The following ABLIM2 variants were observed in gnomAD, a reference collection of about 807,000 sequenced individuals.
The protein encoded by ABLIM2 is actin binding LIM protein family member 2, also known as actin-binding LIM protein 2.
In ABLIM2, 53 loss-of-function variants were observed where a neutral mutation model predicts 97.7. The ratio of observed to expected loss-of-function variants is 0.54; its 90% CI spans 0.44 to 0.68. ABLIM2 has a LOEUF of 0.68. Among genes scored for constraint, ABLIM2 ranks in the 30% least tolerant of loss-of-function variants. ABLIM2 has a pLI of 0.00. For missense variants in ABLIM2, 835 were observed against 867.2 expected, an observed-to-expected ratio of 0.96 and a Z score of 0.47; for synonymous variants, 361 against 345.8, an observed-to-expected ratio of 1.04 and a Z score of -0.49.
At position 7,983,572 on chromosome 4, in the gene ABLIM2, C is replaced by T. The variant is rs779460847; in HGVS notation, c.1736-18G>A. 3.1e-6 allele frequency: 5 copies of T among 1,611,766 alleles called. No individual in the cohort carries two copies. The highest frequency in any genetic ancestry group is 2.2e-5 in the East Asian group (1 of 44,840). ...CTTGTATTCTGTAAGAGAGAGAGAG[C>T]GGAGACCACGAAATGGTTTAGAAAG... On this transcript the variant is annotated intron_variant, in intron 18 of 20. Transcript: ENST00000447017.
chr4:8,135,728 G>A (rs1311184699), intron 1 of ABLIM2, among the ~76,000 whole-genome samples: 5 of 152,246 alleles, frequency 3.3e-5, no homozygotes, highest in Admixed American at 2.6e-4. Flanking sequence ...CTCTCAAGGA[G>A]CGCAGATGAC....
intron 8 of ABLIM2, among the ~76,000 whole-genome samples, chr4:8,045,889 C>T (rs916983382): frequency 1.3e-5 from 2 of 152,116 alleles, no homozygotes; most frequent in Non-Finnish European, 2.9e-5. Context: ...GCCCAGGTTC[C>T]TGGGAACACG....
In ABLIM2 at chr4:8,080,667, C is replaced by T. The variant is rs369456047; in HGVS notation, c.581+9G>A. On this transcript the variant is annotated intron_variant, in intron 5 of 20. Transcript: ENST00000447017. ...CGGAGGCTCTCACTAGAGCCCTCCC[C>T]CCACTTACTTGCTGATGTACTCGGC... The T allele has an allele frequency of 2.5e-6, 4 of 1,596,366 alleles. No homozygotes were observed. Among genetic ancestry groups the T allele is most frequent in the Non-Finnish European group, 3.4e-6 (4 of 1,168,586 alleles).
chr4:8,060,758 G>A (rs923081977), intron 7 of ABLIM2, among the ~76,000 whole-genome samples: 1 of 152,104 alleles, frequency 6.6e-6, no homozygotes, highest in Non-Finnish European at 1.5e-5. Context: ...TCTCGGGCTC[G>A]CTGAGATCAT....
intron 20 of ABLIM2, among the ~76,000 whole-genome samples, chr4:7,979,124 T>C (rs2149562988): frequency 6.6e-6 from 1 of 152,376 alleles, no homozygotes; most frequent in Admixed American, 6.5e-5. Flanking sequence ...TGATGACCCA[T>C]GCACATCCTA....
At chr4:8,064,906 G>A (rs191021854) in intron 6 of ABLIM2, among the ~76,000 whole-genome samples, 8 of 152,282 alleles carry the variant, frequency 5.3e-5, no homozygotes, top group Non-Finnish European at 1.0e-4. Flanking sequence ...TGCCAACAAA[G>A]CAAAGACCTA....
rs899579736 is a variant in ABLIM2, at chr4:8,015,417, C to A, written c.1423+4201G>T. On this transcript the variant is annotated intron_variant, in intron 14 of 20. Coordinates refer to ENST00000447017, the MANE Select transcript of ABLIM2 (RefSeq NM_001130083.2). This position sits in a 1 kb window ranked among gnomAD's most constrained non-coding sequence, Gnocchi z 4.6. ...CTCAGTGGGGGCTTCCCAGTGCAATCCGCACTCTGGACACAGCCTGCCGTT... is the reference window on the plus strand; with the variant it reads ...CTCAGTGGGGGCTTCCCAGTGCAATACGCACTCTGGACACAGCCTGCCGTT... 6.6e-6 allele frequency among the ~76,000 whole-genome samples: 1 copy of A among 152,214 alleles called. No homozygotes were observed. Among genetic ancestry groups the A allele is most frequent in the South Asian group, 2.1e-4 (1 of 4,812 alleles).
At position 8,002,188 on chromosome 4, in the gene ABLIM2, C is replaced by T. The variant is rs943066624; in HGVS notation, c.1618+5871G>A. ...GTCTCTGCCTCCAGCCTGGACCTCT[C>T]CTCTGAGCTCCGTCTGCCCCCTGGC... On this transcript the variant is annotated intron_variant, in intron 16 of 20. Transcript: ENST00000447017. This position sits in a 1 kb window ranked among gnomAD's most constrained non-coding sequence, Gnocchi z 6.1. Among the ~76,000 whole-genome samples the T allele has an allele frequency of 1.3e-5, 2 of 152,274 alleles. No individual in the cohort carries two copies. The highest frequency in any genetic ancestry group is 2.1e-4 in the South Asian group (1 of 4,822).
chr4:8,000,465 T>A (rs1267805080), intron 16 of ABLIM2, among the ~76,000 whole-genome samples: 1 of 152,066 alleles, frequency 6.6e-6, no homozygotes. Flanking sequence ...AGGGACGGGC[T>A]GAGATTGAAT....
In ABLIM2 at chr4:8,085,609, G is replaced by A. The variant is rs1487497594; in HGVS notation, c.454+2560C>T. 6.7e-6 allele frequency among the ~76,000 whole-genome samples: 1 copy of A among 149,712 alleles called. No homozygotes were observed. Among genetic ancestry groups the A allele is most frequent in the Non-Finnish European group, 1.5e-5 (1 of 67,616 alleles). On this transcript the variant is annotated intron_variant, in intron 4 of 20. Coordinates refer to ENST00000447017, the MANE Select transcript of ABLIM2 (RefSeq NM_001130083.2). This position sits in a 1 kb window ranked among gnomAD's most constrained non-coding sequence, Gnocchi z 6.1. ...CCGTCCACTCACGCGGGTCTGGGGG[G>A]TGCCCACGCTGCAGCCCTGTCCACT...
Position 8,124,170 on chromosome 4 carries a change from T to C in ABLIM2, c.11-17533A>G, listed in dbSNP as rs1168698681. ...ATCTTCTCATAAGGCAGCACCTCGA[T>C]GTGCTTTCAGAAACAATATTCTCAG... On this transcript the variant is annotated intron_variant, in intron 1 of 20. Transcript: ENST00000447017. The surrounding 1 kb of genome is among the most constrained non-coding windows in gnomAD (Gnocchi z 6.1). 6.6e-6 allele frequency among the ~76,000 whole-genome samples: 1 copy of C among 152,208 alleles called. No individual in the cohort carries two copies. Among genetic ancestry groups the C allele is most frequent in the Admixed American group, 6.5e-5 (1 of 15,276 alleles).
intron 14 of ABLIM2, chr4:8,010,449 C>T (rs1012695933): frequency 3.2e-5 from 32 of 985,772 alleles, no homozygotes; most frequent in African/African-American, 2.1e-4. Context: ...GCGGCGGGCT[C>T]GGGCCCGTCT....
intron 1 of ABLIM2, among the ~76,000 whole-genome samples, chr4:8,129,379 G>A (rs947243691): frequency 2.6e-5 from 4 of 152,192 alleles, no homozygotes; most frequent in African/African-American, 2.4e-5. Flanking sequence ...TCCAGCTTGC[G>A]CGGCCCCTGC....
chr4:8,059,301 T>A (rs1392322189), intron 7 of ABLIM2, among the ~76,000 whole-genome samples: 1 of 151,940 alleles, frequency 6.6e-6, no homozygotes, highest in East Asian at 1.9e-4. Context: ...TATTTTGAGT[T>A]GATTACTGGG....
intron 1 of ABLIM2, among the ~76,000 whole-genome samples, chr4:8,121,168 T>G (rs1285753029): frequency 1.3e-5 from 2 of 152,204 alleles, no homozygotes; most frequent in Non-Finnish European, 2.9e-5. Flanking sequence ...ACACTGATCC[T>G]ACCCAAGGCT....
rs1321207545 is a variant in ABLIM2 at position 8,158,758 on chromosome 4, G to T, written c.-69C>A. On this transcript the variant is annotated 5_prime_UTR_variant, in exon 1 of 21. Coordinates refer to ENST00000447017, the MANE Select transcript of ABLIM2 (RefSeq NM_001130083.2). ...CCAGACCCTCGGGCCCGCAGGTGCC[G>T]CGCCCGCGCTATCCTCCGCCCGCCC... The T allele has an allele frequency of 1.0e-5, 13 of 1,305,722 alleles. No homozygotes were observed. The highest frequency in any genetic ancestry group is 1.5e-5 in the African/African-American group (1 of 64,844). The allele number at this position is 1,305,722 out of a possible 1,614,324, so 80.9% of individuals were successfully genotyped here.
Position 8,061,033 on chromosome 4 carries a change from G to A in ABLIM2, c.697C>T (p.Pro233Ser), listed in dbSNP as rs1802680596. ...VLEAGEKHYH[P>S]SCALCVRCGQ... ...CACCTGACACATAGCGCGCAGGAAG[G>A]GTGGTAGTGCTTCTCTCCGGCCTGT... Residue 233 changes from proline (P) to serine (S), a missense_variant, in exon 7 of 21, where the codon CCT (proline) becomes TCT (serine). By Grantham distance (74) the Pro-to-Ser change is moderately conservative. Coordinates refer to ENST00000447017, the MANE Select transcript of ABLIM2 (RefSeq NM_001130083.2). The surrounding 1 kb of genome is among the most constrained non-coding windows in gnomAD (Gnocchi z 4.5). The A allele has an allele frequency of 6.3e-7, 1 of 1,596,168 alleles. No individual in the cohort carries two copies. Among genetic ancestry groups the A allele is most frequent in the Non-Finnish European group, 8.5e-7 (1 of 1,171,274 alleles).
chr4:8,090,773 C>T (rs530443987), intron 3 of ABLIM2, among the ~76,000 whole-genome samples: 22 of 134,536 alleles, frequency 1.6e-4, no homozygotes, highest in African/African-American at 5.3e-4. Flanking sequence ...GTCAGCCTCG[C>T]GTTTTTCAGG....
chr4:8,084,687 T>C (rs1822184771), intron 4 of ABLIM2, among the ~76,000 whole-genome samples: 1 of 152,200 alleles, frequency 6.6e-6, no homozygotes. Context: ...GCCCAAGAAG[T>C]GGCTGTGGGG....
Sources: gnomAD v4.1 joint callset for allele counts (sites outside exome capture counted in the v4.1 genomes callset) on GRCh38, gnomAD v4.1.1 for gene constraint, Gnocchi (gnomAD v3.1) non-coding constraint, MANE v1.5 for transcripts, NCBI Gene and HGNC (gene_info 2026-07-23, HGNC 2026-07-21) for gene names.